The following PLCG2 variants were observed in gnomAD, a reference collection of about 807,000 sequenced individuals.
PLCG2 encodes 1-phosphatidylinositol 4,5-bisphosphate phosphodiesterase gamma-2.
Under a neutral mutation model 175.6 loss-of-function variants are expected in PLCG2, and 69 were observed. The observed-to-expected ratio is 0.39, with a 90% confidence interval of 0.32 to 0.48. PLCG2 has a LOEUF of 0.48. Ranked by LOEUF, PLCG2 falls within the 20% of genes least tolerant of loss-of-function variation. PLCG2 has a pLI of 0.91. For missense variants in PLCG2, 1,798 were observed against 1,650.9 expected (o/e 1.09, Z -1.54); for synonymous variants, 827 against 624.0 (o/e 1.33, Z -4.85).
Position 81,959,896 on chromosome 16 carries a change from A to G in PLCG2, c.*1898A>G, listed in dbSNP as rs545205432. On this transcript the variant is annotated 3_prime_UTR_variant, in exon 33 of 33. Coordinates refer to ENST00000564138, the MANE Select transcript of PLCG2 (RefSeq NM_002661.5). ...TCCTTTCAGCTCCTCACTTCATTCT[A>G]CTTTAAAGCCACAGTGCTAAGGCCT... 5.2e-6 allele frequency: 1 copy of G among 191,654 alleles called. No homozygotes were observed. The highest frequency in any genetic ancestry group is 6.1e-5 in the Admixed American group (1 of 16,308). 11.9% of individuals were successfully genotyped at this position (191,654 alleles called of 1,614,324 possible). A position where few individuals can be genotyped will look rare whatever the true frequency, so the allele number is the denominator to read the frequency against.
intron 2 of PLCG2, among the ~76,000 whole-genome samples, chr16:81,830,953 C>G (rs1905236574): frequency 6.6e-6 from 1 of 152,052 alleles, no homozygotes; most frequent in African/African-American, 2.4e-5. Flanking sequence ...CGCAGTGTGT[C>G]CCAGCTGGTG....
At chr16:81,784,040 C>T (rs1367971624) in intron 1 of PLCG2, among the ~76,000 whole-genome samples, 1 of 152,196 alleles carries the variant, frequency 6.6e-6, no homozygotes, top group Non-Finnish European at 1.5e-5. Flanking sequence ...GCCCCCAGTG[C>T]ATGCTTCTGC....
Position 81,910,481 on chromosome 16 carries a change from C to G in PLCG2, c.1734-39C>G, listed in dbSNP as rs760791549. 7.5e-6 allele frequency: 12 copies of G among 1,595,918 alleles called. No homozygotes were observed. In the South Asian group the frequency reaches 1.2e-4, roughly 16 times the overall value. ...GCCCTGGCTGCCGCAATGGCCTGGC[C>G]TGCGTTCTCCCAGCACTGATGGCGT... On this transcript the variant is annotated intron_variant, in intron 17 of 32. Transcript: ENST00000564138.
At chr16:81,794,093 G>A (rs1911358501) in intron 2 of PLCG2, among the ~76,000 whole-genome samples, 1 of 152,170 alleles carries the variant, frequency 6.6e-6, no homozygotes, top group Admixed American at 6.5e-5. Flanking sequence ...TCTGCCAGGT[G>A]CTGGAGGTAC....
intron 5 of PLCG2, among the ~76,000 whole-genome samples, chr16:81,865,407 G>A (rs1047488206): frequency 3.9e-5 from 6 of 152,128 alleles, no homozygotes; most frequent in Admixed American, 1.3e-4. Context: ...GGGAGAAAGC[G>A]GGTGAGGCTG....
intron 2 of PLCG2, among the ~76,000 whole-genome samples, chr16:81,841,954 C>T (rs13339274): frequency 0.12 from 18,565 of 152,250 alleles, 1,178 homozygotes; most frequent in South Asian, 0.2. Context: ...CAAGGTGGTA[C>T]AGAAAACCAT....
intron 2 of PLCG2, among the ~76,000 whole-genome samples, chr16:81,837,921 C>G (rs1370368790): frequency 6.6e-6 from 1 of 152,060 alleles, no homozygotes. Context: ...AGATTTTCCC[C>G]CATTTTCCTT....
At chr16:81,781,574 G>A (rs531909849) in intron 1 of PLCG2, among the ~76,000 whole-genome samples, 14 of 152,330 alleles carry the variant, frequency 9.2e-5, no homozygotes, top group African/African-American at 3.4e-4. Context: ...TTGCCCTAAA[G>A]GAGCAGGGGT....
chr16:81,897,116 A>T (rs914752228), intron 13 of PLCG2, among the ~76,000 whole-genome samples: 1 of 152,236 alleles, frequency 6.6e-6, no homozygotes, highest in African/African-American at 2.4e-5. Context: ...TTCCAGTTAA[A>T]ACTTGAATTA....
intron 5 of PLCG2, among the ~76,000 whole-genome samples, chr16:81,868,477 C>A (rs1222128845): frequency 2.0e-5 from 3 of 152,214 alleles, no homozygotes; most frequent in Non-Finnish European, 4.4e-5. Flanking sequence ...TCTTTCCTGG[C>A]TGATTCTGCC....
At chr16:81,908,299 G>C in intron 16 of PLCG2, 117 bp from the exon 17 acceptor site, 4 of 910,740 alleles carry the variant, frequency 4.4e-6, no homozygotes, top group African/African-American at 1.7e-5. Flanking sequence ...GACCAGCTGA[G>C]GCTGGCCTCT....
At chr16:81,765,598 T>G (rs979648665) in intron 2 of PLCG2, among the ~76,000 whole-genome samples, 1 of 152,224 alleles carries the variant, frequency 6.6e-6, no homozygotes, top group Non-Finnish European at 1.5e-5. Flanking sequence ...GCTAGTGCCC[T>G]CCAGCCTGGA....
intron 9 of PLCG2, among the ~76,000 whole-genome samples, chr16:81,884,308 G>A (rs918783378): frequency 2.0e-5 from 3 of 151,906 alleles, no homozygotes; most frequent in African/African-American, 4.8e-5. Context: ...CCGAGATTGC[G>A]CCACTGGACT....
At chr16:81,934,002 G>A (rs1910609420) in intron 25 of PLCG2, among the ~76,000 whole-genome samples, 1 of 152,230 alleles carries the variant, frequency 6.6e-6, no homozygotes, top group Non-Finnish European at 1.5e-5. Context: ...GGTTTTGAGG[G>A]TGCAGGGGAT....
At chr16:81,928,990 G>A (rs1251075246) in intron 24 of PLCG2, among the ~76,000 whole-genome samples, 2 of 152,240 alleles carry the variant, frequency 1.3e-5, no homozygotes, top group Non-Finnish European at 2.9e-5. Flanking sequence ...GGGAGTCTTG[G>A]GTTCTAAACC....
intron 19 of PLCG2, among the ~76,000 whole-genome samples, chr16:81,917,265 T>G (rs2143676827): frequency 6.6e-6 from 1 of 152,104 alleles, no homozygotes; most frequent in African/African-American, 2.4e-5. Context: ...GGTATTCCAT[T>G]ATGTAAATGT....
chr16:81,745,928 C>G (rs1302342847), intron 1 of PLCG2, among the ~76,000 whole-genome samples: 1 of 152,224 alleles, frequency 6.6e-6, no homozygotes, highest in East Asian at 1.9e-4. Context: ...CGACCTGACT[C>G]TCTGTAGGGG....
chr16:81,847,637 G>C (rs534467405), intron 2 of PLCG2, among the ~76,000 whole-genome samples: 1 of 152,112 alleles, frequency 6.6e-6, no homozygotes, highest in Non-Finnish European at 1.5e-5. Flanking sequence ...TGGATTCTGC[G>C]TCTGCGGATT....
intron 27 of PLCG2, among the ~76,000 whole-genome samples, chr16:81,936,748 G>A (rs16956011): frequency 0.19 from 29,150 of 152,130 alleles, 3,541 homozygotes; most frequent in East Asian, 0.37. Context: ...ACATTTACAT[G>A]CTGGCATAAC....
Sources: gnomAD v4.1 joint callset for allele counts (sites outside exome capture counted in the v4.1 genomes callset) on GRCh38, gnomAD v4.1.1 for gene constraint, MANE v1.5 for transcripts, NCBI Gene and HGNC (gene_info 2026-07-23, HGNC 2026-07-21) for gene names.